COIL: variants seen among roughly 807,000 people sequenced by gnomAD.
COIL encodes the protein coilin p80.
A neutral mutation model predicts 51.6 loss-of-function variants in COIL; 28 were observed. The ratio of observed to expected loss-of-function variants is 0.54; its 90% CI spans 0.40 to 0.74. COIL has a LOEUF of 0.74. Among genes scored for constraint, COIL ranks in the 30% least tolerant of loss-of-function variants. The probability of loss-of-function intolerance (pLI) is 0.00; values close to 1 mark genes in which losing one functional copy is unlikely to be tolerated. For synonymous variants in COIL, 233 were observed against 255.8 expected, an observed-to-expected ratio of 0.91 and a Z score of 0.85; for missense variants, 667 against 685.9, an observed-to-expected ratio of 0.97 and a Z score of 0.31.
intron 5 of COIL, among the ~76,000 whole-genome samples, chr17:56,945,598 A>G (rs1220528050): frequency 6.6e-6 from 1 of 152,240 alleles, no homozygotes; most frequent in East Asian, 1.9e-4. Context: ...AAGTATATTC[A>G]TTTGACAATC....
intron 5 of COIL, among the ~76,000 whole-genome samples, chr17:56,942,720 T>C (rs1164332152): frequency 1.3e-5 from 2 of 152,180 alleles, no homozygotes; most frequent in Non-Finnish European, 2.9e-5. Flanking sequence ...TTCACCATGT[T>C]GGCCAGGTTG....
chr17:56,946,298 C>T, intron 5 of COIL, 144 bp downstream of exon 5: 1 of 546,090 alleles, frequency 1.8e-6, no homozygotes, highest in Non-Finnish European at 3.2e-6. Flanking sequence ...TCTTATGAGC[C>T]CCCAGGGCTA....
intron 5 of COIL, 101 bp downstream of exon 5, chr17:56,946,341 A>T (rs1910249559): frequency 1.1e-5 from 8 of 755,240 alleles, no homozygotes; most frequent in Admixed American, 2.4e-5. Flanking sequence ...AGCGCCAGTT[A>T]TATGGAGGCC....
intron 5 of COIL, among the ~76,000 whole-genome samples, chr17:56,944,032 T>G (rs1214826625): frequency 6.6e-6 from 1 of 150,756 alleles, no homozygotes; most frequent in Non-Finnish European, 1.5e-5. Context: ...CACTCAGCTA[T>G]GTTTTGTTTT....
At chr17:56,955,607 C>G (rs527386535) in intron 1 of COIL, among the ~76,000 whole-genome samples, 49 of 152,154 alleles carry the variant, frequency 3.2e-4, no homozygotes, top group Middle Eastern at 3.2e-3. Flanking sequence ...CCTTTCTCAT[C>G]TATAAAAATG....
intron 6 of COIL, among the ~76,000 whole-genome samples, chr17:56,941,535 A>C (rs1194096686): frequency 6.6e-6 from 1 of 152,244 alleles, no homozygotes; most frequent in Non-Finnish European, 1.5e-5. Flanking sequence ...ATGCCACTGC[A>C]TTTCAGCCTG....
At chr17:56,957,831 G>A (rs1028253801) in intron 1 of COIL, among the ~76,000 whole-genome samples, 1 of 152,050 alleles carries the variant, frequency 6.6e-6, no homozygotes, top group Non-Finnish European at 1.5e-5. Flanking sequence ...CCTCCTCCCA[G>A]GACAGTTAGA....
intron 1 of COIL, among the ~76,000 whole-genome samples, chr17:56,960,536 AT>A (rs201072799): frequency 7.0e-4 from 103 of 147,852 alleles, no homozygotes; most frequent in Middle Eastern, 3.5e-3. Flanking sequence ...AAAAAAAAAA[AT>A]AATAATAAAA....
At chr17:56,948,300 A>G (rs977972010) in intron 4 of COIL, among the ~76,000 whole-genome samples, 5 of 151,248 alleles carry the variant, frequency 3.3e-5, no homozygotes, top group Non-Finnish European at 5.9e-5. Context: ...ATGCCCCGCT[A>G]ATTTTTTTTT....
Position 56,949,958 on chromosome 17 carries a change from A to G in COIL, c.1284T>C (p.Asn428=). The G allele has an allele frequency of 1.9e-6, 3 of 1,614,122 alleles. No homozygotes were observed. Among genetic ancestry groups the G allele is most frequent in the Non-Finnish European group, 2.5e-6 (3 of 1,180,026 alleles). ...GTTGCCTCTGGTTGTCAGTGCTTCT[A>G]TTTACAACACAGGAAACAGGATGCC... ...GRGHPVSCVV[N]RSTDNQRQQQ... The change falls in exon 2 of 7, where the codon AAT becomes AAC. Residue 428 remains asparagine, a synonymous_variant. Coordinates refer to ENST00000240316, the MANE Select transcript of COIL (RefSeq NM_004645.3).
At chr17:56,947,736 G>A (rs1251174750) in intron 4 of COIL, among the ~76,000 whole-genome samples, 1 of 152,168 alleles carries the variant, frequency 6.6e-6, no homozygotes, top group Non-Finnish European at 1.5e-5. Flanking sequence ...CTCCCAAAGT[G>A]CTGGGATTAC....
chr17:56,952,289 T>C, intron 1 of COIL: 1 of 480,682 alleles, frequency 2.1e-6, no homozygotes, highest in South Asian at 1.5e-5. Context: ...CAGAATAACC[T>C]GCTCCCATCC....
chr17:56,959,778 G>T (rs1288190602), intron 1 of COIL, among the ~76,000 whole-genome samples: 2 of 152,262 alleles, frequency 1.3e-5, no homozygotes, highest in African/African-American at 4.8e-5. Flanking sequence ...CCATGGGCAC[G>T]CAACAGAGTC....
chr17:56,945,776 C>CA (rs1167927251), intron 5 of COIL, among the ~76,000 whole-genome samples: 3 of 152,190 alleles, frequency 2.0e-5, no homozygotes, highest in African/African-American at 7.2e-5. Context: ...AAGGCAGTTG[C>CA]ACTATCTCGG....
intron 6 of COIL, 68 bp from the exon 7 acceptor site, chr17:56,939,222 C>A: frequency 1.2e-6 from 1 of 856,634 alleles, no homozygotes; most frequent in Non-Finnish European, 2.0e-6. Flanking sequence ...AATTCAGCCA[C>A]GTAAATTTTC....
chr17:56,953,138 A>G lies in COIL; in HGVS notation c.246-2142T>C, dbSNP rs113137341. 6.8e-3 allele frequency among the ~76,000 whole-genome samples: 1,026 copies of G among 151,402 alleles called. 9 individuals carry two copies. The highest frequency in any genetic ancestry group is 0.017 in the African/African-American group (692 of 40,848). On this transcript the variant is annotated intron_variant, in intron 1 of 6. Coordinates refer to ENST00000240316, the MANE Select transcript of COIL (RefSeq NM_004645.3). ...ACAAAATACAAACATCAGGCTGGGC[A>G]CGGTGGCTCACGCCTGTAATCCCAG... is the stretch of plus-strand genomic sequence containing the variant.
Position 56,949,390 on chromosome 17 carries a change from G to A in COIL, c.1485C>T (p.Tyr495=). 6.3e-7 allele frequency: 1 copy of A among 1,590,046 alleles called. No individual in the cohort carries two copies. Among genetic ancestry groups the A allele is most frequent in the African/African-American group, 1.4e-5 (1 of 73,088 alleles). ...ACTTTTAAATAAACATCCTTACCTT[G>A]TAGTCAGAGACATCAGGAGAGTAAC... ...TSSYSPDVSD[Y]KEGRILSHNP... The change falls in exon 4 of 7, where the codon TAC becomes TAT. Residue 495 remains tyrosine, a synonymous_variant. Coordinates refer to ENST00000240316, the MANE Select transcript of COIL (RefSeq NM_004645.3).
At chr17:56,952,521 A>G (rs1264488488) in intron 1 of COIL, 1 of 248,336 alleles carries the variant, frequency 4.0e-6, no homozygotes, top group Non-Finnish European at 7.7e-6. Context: ...TGAGTAAAGT[A>G]CATTGCCGTT....
intron 1 of COIL, among the ~76,000 whole-genome samples, chr17:56,954,647 T>C (rs115325545): frequency 0.012 from 1,770 of 152,108 alleles, 37 homozygotes; most frequent in African/African-American, 0.039. Flanking sequence ...CTACCTACTG[T>C]TCCCCAAGAG....
Sources: gnomAD v4.1 joint callset for allele counts (sites outside exome capture counted in the v4.1 genomes callset) on GRCh38, gnomAD v4.1.1 for gene constraint, MANE v1.5 for transcripts, NCBI Gene and HGNC (gene_info 2026-07-23, HGNC 2026-07-21) for gene names.